Variants in FHIT observed in about 807,000 individuals in gnomAD.
The protein encoded by FHIT is bis(5'-adenosyl)-triphosphatase.
In FHIT, 19 loss-of-function variants were observed where a neutral mutation model predicts 17.9. The ratio of observed to expected loss-of-function variants is 1.06; its 90% CI spans 0.74 to 1.56. The LOEUF is 1.56. FHIT is among the 40% of genes most tolerant of loss of function. The probability of loss-of-function intolerance (pLI) is 0.00; values close to 1 mark genes in which losing one functional copy is unlikely to be tolerated. For missense variants in FHIT, 248 were observed against 189.2 expected, an observed-to-expected ratio of 1.31 and a Z score of -1.82; for synonymous variants, 81 against 69.7, an observed-to-expected ratio of 1.16 and a Z score of -0.81.
intron 7 of FHIT, among the ~76,000 whole-genome samples, chr3:60,011,034 C>T (rs2106680310): frequency 6.6e-6 from 1 of 152,302 alleles, no homozygotes; most frequent in East Asian, 1.9e-4. Context: ...TAACATGGGG[C>T]TGCACAAACC....
At chr3:60,478,136 G>A (rs56741638) in intron 5 of FHIT, among the ~76,000 whole-genome samples, 5,523 of 152,174 alleles carry the variant, frequency 0.036, 310 homozygotes, top group African/African-American at 0.12. Flanking sequence ...CTGGATAAGC[G>A]CCCTATTTCA....
intron 3 of FHIT, among the ~76,000 whole-genome samples, chr3:61,033,325 A>G (rs993140282): frequency 7.2e-5 from 11 of 152,296 alleles, no homozygotes; most frequent in East Asian, 1.9e-4. Flanking sequence ...ACTGTCCAAT[A>G]TAGTAGCCAC....
chr3:60,263,472 G>A (rs1393812832), intron 5 of FHIT, among the ~76,000 whole-genome samples: 5 of 151,914 alleles, frequency 3.3e-5, no homozygotes, highest in African/African-American at 9.7e-5. Context: ...TTAACAAACT[G>A]TAGTATAATC....
At chr3:60,106,299 C>T (rs559531392) in intron 5 of FHIT, among the ~76,000 whole-genome samples, 1 of 152,198 alleles carries the variant, frequency 6.6e-6, no homozygotes, top group South Asian at 2.1e-4. Context: ...GTCAAAAGTT[C>T]CTGATTTAGT....
chr3:60,857,140 C>G (rs1703421791), intron 3 of FHIT, among the ~76,000 whole-genome samples: 1 of 152,032 alleles, frequency 6.6e-6, no homozygotes, highest in African/African-American at 2.4e-5. Context: ...AATAAATGGC[C>G]AGGTGTAATT....
chr3:60,391,073 A>C (rs1375304611), intron 5 of FHIT, among the ~76,000 whole-genome samples: 1 of 152,128 alleles, frequency 6.6e-6, no homozygotes, highest in Non-Finnish European at 1.5e-5. Flanking sequence ...CTGTGGTCCC[A>C]GCTTCTCATG....
At chr3:60,347,371 T>A (rs1710833398) in intron 5 of FHIT, among the ~76,000 whole-genome samples, 1 of 152,138 alleles carries the variant, frequency 6.6e-6, no homozygotes, top group Admixed American at 6.6e-5. Flanking sequence ...CAGTAAGTTG[T>A]CTGCAAATAA....
chr3:59,769,417 C>G (rs1575464447), intron 8 of FHIT, among the ~76,000 whole-genome samples: 1 of 152,322 alleles, frequency 6.6e-6, no homozygotes, highest in East Asian at 1.9e-4. Context: ...GAAGGCTTGG[C>G]TGGACGCCTG....
chr3:60,409,581 C>T (rs988757822), intron 5 of FHIT, among the ~76,000 whole-genome samples: 7 of 152,308 alleles, frequency 4.6e-5, no homozygotes, highest in African/African-American at 1.7e-4. Flanking sequence ...GGTTTGCCAA[C>T]TAACCTTGTA....
At chr3:60,288,313 A>G (rs920943740) in intron 5 of FHIT, among the ~76,000 whole-genome samples, 1 of 152,158 alleles carries the variant, frequency 6.6e-6, no homozygotes, top group Non-Finnish European at 1.5e-5. Context: ...ATAACATAAT[A>G]CAAGGTGGGA....
rs553072048 is a variant in FHIT, at chr3:60,857,683, C to A, written c.-110-35672G>T. Among the ~76,000 whole-genome samples the A allele has an allele frequency of 7.2e-5, 11 of 152,298 alleles. 1 individual carries two copies. Among genetic ancestry groups the A allele is most frequent in the Non-Finnish European group, 1.6e-4 (11 of 68,032 alleles). On this transcript the variant is annotated intron_variant, in intron 3 of 9. Transcript: ENST00000492590. ...TGGTGGCTCATGCCTGTAATCCCAACTTTGGGATGCCAAAGTGGGAGGATC... is the reference window on the plus strand; with the variant it reads ...TGGTGGCTCATGCCTGTAATCCCAAATTTGGGATGCCAAAGTGGGAGGATC...
chr3:60,577,054 G>A (rs1294216557), intron 4 of FHIT, among the ~76,000 whole-genome samples: 1 of 151,292 alleles, frequency 6.6e-6, no homozygotes, highest in Non-Finnish European at 1.5e-5. Flanking sequence ...ATCTAATTAT[G>A]GAAAAAAATT....
intron 5 of FHIT, among the ~76,000 whole-genome samples, chr3:60,455,006 T>A (rs965265020): frequency 6.6e-6 from 1 of 152,132 alleles, no homozygotes; most frequent in Admixed American, 6.5e-5. Context: ...TTGAACTCAA[T>A]GTCTTTAGTG....
chr3:60,785,097 C>T (rs1417833161), intron 4 of FHIT, among the ~76,000 whole-genome samples: 1 of 152,172 alleles, frequency 6.6e-6, no homozygotes, highest in Admixed American at 6.5e-5. Flanking sequence ...GAACAGAAGC[C>T]AGAGGTGTAA....
At chr3:60,066,085 A>G (rs1256565296) in intron 5 of FHIT, among the ~76,000 whole-genome samples, 2 of 152,194 alleles carry the variant, frequency 1.3e-5, no homozygotes, top group Admixed American at 6.5e-5. Context: ...ACTCATTCCC[A>G]GAAAATGATA....
chr3:60,895,691 TTTC>T (rs2107196283), intron 3 of FHIT, among the ~76,000 whole-genome samples: 1 of 140,958 alleles, frequency 7.1e-6, no homozygotes, highest in Non-Finnish European at 1.6e-5. Context: ...TCTTTCTTTC[TTTC>T]TTTCTTTCTT....
At chr3:60,288,266 A>T (rs1310610953) in intron 5 of FHIT, among the ~76,000 whole-genome samples, 3 of 152,176 alleles carry the variant, frequency 2.0e-5, no homozygotes, top group Non-Finnish European at 4.4e-5. Flanking sequence ...CTGAAGACGC[A>T]CACTGTTGCT....
At chr3:60,168,150 G>C (rs939300746) in intron 5 of FHIT, among the ~76,000 whole-genome samples, 9 of 152,156 alleles carry the variant, frequency 5.9e-5, no homozygotes, top group African/African-American at 2.2e-4. Context: ...AAAACTCCTA[G>C]TCAGTACACA....
At chr3:60,842,826 A>C (rs1280999000) in intron 3 of FHIT, among the ~76,000 whole-genome samples, 1 of 151,730 alleles carries the variant, frequency 6.6e-6, no homozygotes, top group East Asian at 1.9e-4. Flanking sequence ...GGAGCAGAGG[A>C]TCACCCGTAC....
Sources: allele counts gnomAD v4.1 joint callset (sites outside exome capture counted in the v4.1 genomes callset), GRCh38; gene constraint gnomAD v4.1.1; transcripts MANE v1.5; gene names NCBI Gene and HGNC (gene_info 2026-07-23, HGNC 2026-07-21).